Variants in ADORA1 observed in about 807,000 individuals in gnomAD.
ADORA1 encodes the protein adenosine A1 receptor, also known as adenosine receptor A1.
A neutral mutation model predicts 19.9 loss-of-function variants in ADORA1; 6 were observed. The observed-to-expected ratio is 0.30, with a 90% CI of 0.17 to 0.59. ADORA1 has a LOEUF of 0.59. Ranked by LOEUF, ADORA1 falls within the 20% of genes least tolerant of loss-of-function variation. The pLI is 0.87. For synonymous variants in ADORA1, 194 were observed against 188.4 expected (o/e 1.03, Z -0.24); for missense variants, 302 against 439.2 (o/e 0.69, Z 2.79).
chr1:203,159,655 A>C (rs1655302524), intron 3 of ADORA1, among the ~76,000 whole-genome samples: 1 of 152,044 alleles, frequency 6.6e-6, no homozygotes, highest in Non-Finnish European at 1.5e-5. Context: ...GATCTGGTTT[A>C]TTTGTTTGCA....
intron 3 of ADORA1, among the ~76,000 whole-genome samples, chr1:203,140,041 A>G (rs940147570): frequency 4.6e-5 from 7 of 152,242 alleles, no homozygotes; most frequent in Admixed American, 4.6e-4. Flanking sequence ...AATATTAGCA[A>G]ATCAAATCCG....
intron 3 of ADORA1, among the ~76,000 whole-genome samples, chr1:203,162,972 G>C (rs1397414118): frequency 6.6e-6 from 1 of 152,234 alleles, no homozygotes; most frequent in East Asian, 1.9e-4. Flanking sequence ...CTGTGTGGCT[G>C]CTGAGACAGC....
rs758690370 is a variant in ADORA1, at chr1:203,165,429, G to A, written c.510G>A (p.Glu170=). Residue 170 remains glutamate (E), a synonymous_variant, in exon 4 of 4, where the codon GAG becomes GAA. Transcript: ENST00000337894. This position sits in a 1 kb window ranked among gnomAD's most constrained non-coding sequence, Gnocchi z 5.9. The stretch of plus-strand genomic sequence containing the variant: ...TGGGGGAGCCCGTGATCAAGTGCGA[G>A]TTCGAGAAGGTCATCAGCATGGAGT... ...GSMGEPVIKC[E]FEKVISMEYM... 1.2e-6 allele frequency: 2 copies of A among 1,613,270 alleles called. No individual in the cohort carries two copies. Among genetic ancestry groups the A allele is most frequent in the Non-Finnish European group, 1.7e-6 (2 of 1,179,680 alleles).
intron 3 of ADORA1, among the ~76,000 whole-genome samples, chr1:203,159,969 C>T (rs1430531890): frequency 1.3e-5 from 2 of 152,212 alleles, no homozygotes; most frequent in East Asian, 1.9e-4. Flanking sequence ...CTACTTAGTC[C>T]AGGGAGATTT....
rs1001390214 is a variant in ADORA1, at chr1:203,149,717, CA to C, written c.342-15543del. On this transcript the variant is annotated intron_variant, in intron 3 of 3. Coordinates refer to ENST00000337894, the MANE Select transcript of ADORA1 (RefSeq NM_000674.3). ...TTGGGAGCAGAGCTCTGCTGCCTGC[CA>C]GGGGGGATGTTGTTGTTGAGATGAG... is the stretch of plus-strand genomic sequence containing the variant. 5.3e-5 allele frequency among the ~76,000 whole-genome samples: 8 copies of C among 152,186 alleles called. 1 individual carries two copies. The highest frequency in any genetic ancestry group is 1.9e-4 in the African/African-American group (8 of 41,436).
In ADORA1 at chr1:203,128,128, TG is replaced by T; in HGVS notation, c.-212-146del. ...GGGCGCAGGGCAGGTGCGGGCACGC[TG>T]GGGAATAGGGAGAAACGCCCCAGCC... On this transcript the variant is annotated intron_variant, in intron 1 of 3. Transcript: ENST00000337894. The surrounding 1 kb of genome is among the most constrained non-coding windows in gnomAD (Gnocchi z 5.9). 2.9e-6 allele frequency: 1 copy of T among 339,018 alleles called. No homozygotes were observed. Among genetic ancestry groups the T allele is most frequent in the Non-Finnish European group, 5.7e-6 (1 of 174,790 alleles). The allele number at this position is 339,018 out of a possible 1,614,324, so 21.0% of individuals were successfully genotyped here.
chr1:203,148,214 G>A (rs1654923486), intron 3 of ADORA1, among the ~76,000 whole-genome samples: 1 of 152,188 alleles, frequency 6.6e-6, no homozygotes, highest in African/African-American at 2.4e-5. Context: ...ATGAGACCCT[G>A]TCTCAAAAAA....
chr1:203,150,207 G>T (rs570030679), intron 3 of ADORA1, among the ~76,000 whole-genome samples: 54 of 152,330 alleles, frequency 3.5e-4, no homozygotes, highest in Admixed American at 7.8e-4. Context: ...CACCCACTGG[G>T]TGAGCCTGGG....
chr1:203,128,473 G>A lies in ADORA1; in HGVS notation c.-58+41G>A, dbSNP rs1654225363. On this transcript the variant is annotated intron_variant, in intron 2 of 3. Transcript: ENST00000337894. This position sits in a 1 kb window ranked among gnomAD's most constrained non-coding sequence, Gnocchi z 5.9. Reference sequence around the variant, plus strand: ...CCTGTTCTGTGCACAGGGGTGGGCAGAGCCAGTCATGGGAGACCCCTCTGT... The same window carrying A: ...CCTGTTCTGTGCACAGGGGTGGGCAAAGCCAGTCATGGGAGACCCCTCTGT... 7.9e-7 allele frequency: 1 copy of A among 1,271,044 alleles called. No homozygotes were observed. The highest frequency in any genetic ancestry group is 1.0e-6 in the Non-Finnish European group (1 of 971,692). The allele number at this position is 1,271,044 out of a possible 1,614,324, so 78.7% of individuals were successfully genotyped here. A position where few individuals can be genotyped will look rare whatever the true frequency, so the allele number is the denominator to read the frequency against.
chr1:203,140,859 C>T (rs1654659037), intron 3 of ADORA1, among the ~76,000 whole-genome samples: 1 of 152,230 alleles, frequency 6.6e-6, no homozygotes, highest in African/African-American at 2.4e-5. Flanking sequence ...CCTCTTTTCC[C>T]TACCCCAGGC....
intron 3 of ADORA1, among the ~76,000 whole-genome samples, chr1:203,146,626 C>CAA (rs543486969): frequency 6.4e-4 from 61 of 95,290 alleles, no homozygotes; most frequent in Admixed American, 1.4e-3. Flanking sequence ...AAGCCTGTCT[C>CAA]AAAAAAAAAA....
intron 3 of ADORA1, among the ~76,000 whole-genome samples, chr1:203,163,934 A>C (rs1051396673): frequency 6.6e-6 from 1 of 152,094 alleles, no homozygotes; most frequent in African/African-American, 2.4e-5. Context: ...TCAGGAGGGC[A>C]CTCCATCCAT....
intron 3 of ADORA1, among the ~76,000 whole-genome samples, chr1:203,154,897 G>T (rs964065885): frequency 2.0e-5 from 3 of 152,160 alleles, no homozygotes; most frequent in African/African-American, 7.2e-5. Flanking sequence ...ATTCACCAAA[G>T]AGAATTATGT....
chr1:203,161,199 C>G (rs1052206275), intron 3 of ADORA1, among the ~76,000 whole-genome samples: 5 of 152,232 alleles, frequency 3.3e-5, no homozygotes, highest in African/African-American at 1.2e-4. Context: ...CTCTCAGGGT[C>G]TCTGTAGCCC....
chr1:203,160,255 C>T (rs914674853), intron 3 of ADORA1, among the ~76,000 whole-genome samples: 1 of 152,210 alleles, frequency 6.6e-6, no homozygotes, highest in African/African-American at 2.4e-5. Flanking sequence ...ATCCCTTATC[C>T]AAAATGTGTG....
chr1:203,161,827 G>A (rs1003839577), intron 3 of ADORA1, among the ~76,000 whole-genome samples: 1 of 151,902 alleles, frequency 6.6e-6, no homozygotes, highest in Non-Finnish European at 1.5e-5. Flanking sequence ...CACCCGCCTC[G>A]GCCTGCCAAA....
chr1:203,148,895 T>A (rs11584369), intron 3 of ADORA1, among the ~76,000 whole-genome samples: 48,635 of 151,782 alleles, frequency 0.32, 9,979 homozygotes, highest in Non-Finnish European at 0.46. Context: ...TTTTTTTTTT[T>A]AGACGGAGTT....
chr1:203,153,604 T>C (rs1655104936), intron 3 of ADORA1, among the ~76,000 whole-genome samples: 1 of 152,142 alleles, frequency 6.6e-6, no homozygotes, highest in African/African-American at 2.4e-5. Flanking sequence ...TTTTGGGGAT[T>C]GGTGGGCACT....
chr1:203,141,632 A>G (rs3766565), intron 3 of ADORA1, among the ~76,000 whole-genome samples: 136,928 of 144,902 alleles, frequency 0.94, 64,849 homozygotes, highest in Non-Finnish European at 0.98. Context: ...CTAGGCTGGA[A>G]TGCAGTGGCA....
Sources: allele counts gnomAD v4.1 joint callset (sites outside exome capture counted in the v4.1 genomes callset), GRCh38; gene constraint gnomAD v4.1.1; non-coding constraint Gnocchi (gnomAD v3.1); transcripts MANE v1.5; gene names NCBI Gene and HGNC (gene_info 2026-07-23, HGNC 2026-07-21).